CFTR: variants seen among roughly 807,000 people sequenced by gnomAD.
CFTR encodes the protein cystic fibrosis transmembrane conductance regulator.
Under a neutral mutation model 171.6 loss-of-function variants are expected in CFTR, and 181 were observed. The ratio of observed to expected loss-of-function variants is 1.05; its 90% CI spans 0.93 to 1.19. The LOEUF (loss-of-function observed/expected upper bound fraction) is 1.19. CFTR is among the 50% of genes most tolerant of loss of function. The probability of loss-of-function intolerance (pLI) is 0.00; values close to 1 mark genes in which losing one functional copy is unlikely to be tolerated. For synonymous variants in CFTR, 583 were observed against 608.0 expected, an observed-to-expected ratio of 0.96 and a Z score of 0.60; for missense variants, 1,968 against 1,734.7, an observed-to-expected ratio of 1.13 and a Z score of -2.39.
At chr7:117,512,621 G>A (rs2188158) in intron 3 of CFTR, among the ~76,000 whole-genome samples, 14,879 of 127,854 alleles carry the variant, frequency 0.12, 1,249 homozygotes, top group East Asian at 0.42. Flanking sequence ...GTGACAGAGC[G>A]AGACTCCATC....
chr7:117,487,542 A>C (rs1483994450), intron 1 of CFTR, among the ~76,000 whole-genome samples: 1 of 152,178 alleles, frequency 6.6e-6, no homozygotes, highest in Non-Finnish European at 1.5e-5. Flanking sequence ...TGATTGAATA[A>C]AAATAGGAGC....
intron 11 of CFTR, among the ~76,000 whole-genome samples, chr7:117,574,022 A>G (rs1320835728): frequency 6.6e-6 from 1 of 152,086 alleles, no homozygotes; most frequent in African/African-American, 2.4e-5. Flanking sequence ...TTTTTAAAAA[A>G]ATTATGATAG....
intron 24 of CFTR, among the ~76,000 whole-genome samples, chr7:117,662,609 C>T (rs1470597650): frequency 6.6e-6 from 1 of 151,784 alleles, no homozygotes; most frequent in Non-Finnish European, 1.5e-5. Context: ...AGGAGGAGAA[C>T]TACCATAGGA....
rs531126327 is a variant in CFTR at position 117,482,919 on chromosome 7, C to G, written c.53+2772C>G. Among the ~76,000 whole-genome samples the G allele has an allele frequency of 3.9e-5, 6 of 152,236 alleles. No individual in the cohort carries two copies. In the South Asian group the frequency reaches 1.2e-3, roughly 32 times the overall value. ...TCTATACTGAGGAACTGTGGGAACC[C>G]CACAGAATCCAAGTATACAGTGCCA... is the stretch of plus-strand genomic sequence containing the variant. On this transcript the variant is annotated intron_variant, in intron 1 of 26. Transcript: ENST00000003084.
At chr7:117,486,641 T>C (rs2116612625) in intron 1 of CFTR, among the ~76,000 whole-genome samples, 1 of 152,040 alleles carries the variant, frequency 6.6e-6, no homozygotes, top group South Asian at 2.1e-4. Context: ...AAGTTCCCTA[T>C]GACGGGAACA....
chr7:117,544,861 C>T (rs540546679), intron 9 of CFTR, among the ~76,000 whole-genome samples: 2 of 152,318 alleles, frequency 1.3e-5, no homozygotes, highest in African/African-American at 4.8e-5. Context: ...AACTGTTATA[C>T]TCTTGTGGAA....
chr7:117,517,160 A>G (rs1451754141), intron 3 of CFTR, among the ~76,000 whole-genome samples: 1 of 152,138 alleles, frequency 6.6e-6, no homozygotes, highest in African/African-American at 2.4e-5. Context: ...TGCATCCATC[A>G]GCCCATCATC....
At position 117,507,965 on chromosome 7, in the gene CFTR, G is replaced by T. The variant is rs552301272; in HGVS notation, c.165-1069G>T. Among the ~76,000 whole-genome samples the T allele has an allele frequency of 2.0e-5, 3 of 152,132 alleles. No individual in the cohort carries two copies. The South Asian group carries it at 6.2e-4, about 32-fold the overall frequency. On this transcript the variant is annotated intron_variant, in intron 2 of 26. Transcript: ENST00000003084. ...AGGCCTGGCTAATTTTTGTAGAGAC[G>T]GGGTTTTGCTATGCTGGCCAGGCTG...
At chr7:117,482,635 C>T (rs1351384803) in intron 1 of CFTR, among the ~76,000 whole-genome samples, 1 of 152,050 alleles carries the variant, frequency 6.6e-6, no homozygotes, top group Non-Finnish European at 1.5e-5. Flanking sequence ...GATATATTAG[C>T]ATATAATTTA....
chr7:117,510,189 G>A (rs931848221), intron 3 of CFTR, among the ~76,000 whole-genome samples: 1 of 151,958 alleles, frequency 6.6e-6, no homozygotes, highest in African/African-American at 2.4e-5. Context: ...TTGGGCATTT[G>A]GGGGTAAAAA....
intron 22 of CFTR, among the ~76,000 whole-genome samples, chr7:117,639,334 TAA>T (rs1199079770): frequency 2.0e-5 from 3 of 152,202 alleles, no homozygotes; most frequent in Admixed American, 6.5e-5. Flanking sequence ...AGTTTTTTCT[TAA>T]AACCTTTTGA....
At chr7:117,507,570 C>T (rs949135027) in intron 2 of CFTR, among the ~76,000 whole-genome samples, 4 of 152,188 alleles carry the variant, frequency 2.6e-5, no homozygotes, top group African/African-American at 7.2e-5. Flanking sequence ...TATTTAGCTT[C>T]TTACTCTGAG....
chr7:117,667,245 A>G lies in CFTR; in HGVS notation c.*137A>G. On this transcript the variant is annotated 3_prime_UTR_variant, in exon 27 of 27. Transcript: ENST00000003084. ...AGGATGAATTAAGTTTTTTTTTAAAAAAGAAACATTTGGTAAGGGGAATTG... is the reference window on the plus strand; with the variant it reads ...AGGATGAATTAAGTTTTTTTTTAAAGAAGAAACATTTGGTAAGGGGAATTG... The G allele has an allele frequency of 1.2e-6, 1 of 819,140 alleles. No homozygotes were observed. Among genetic ancestry groups the G allele is most frequent in the Admixed American group, 2.0e-5 (1 of 49,244 alleles). The allele number at this position is 819,140 out of a possible 1,614,324, so 50.7% of individuals were successfully genotyped here.
rs56985019 is a variant in CFTR at position 117,499,429 on chromosome 7, CTG to C, written c.54-4792_54-4791del. Among the ~76,000 whole-genome samples the C allele has an allele frequency of 6.1e-3, 831 of 135,726 alleles. 8 individuals carry two copies. The highest frequency in any genetic ancestry group is 0.014 in the African/African-American group (499 of 35,086). 89.0% of individuals were successfully genotyped at this position (135,726 alleles called of 152,430 possible). ...GAAATGAAATTTACTATAGTTTCAT[CTG>C]TGTGTGTGTGTGTGTGTGTGTGTGT... On this transcript the variant is annotated intron_variant, in intron 1 of 26. Coordinates refer to ENST00000003084, the MANE Select transcript of CFTR (RefSeq NM_000492.4).
chr7:117,651,061 A>G (rs1167306913), intron 23 of CFTR, among the ~76,000 whole-genome samples: 1 of 152,154 alleles, frequency 6.6e-6, no homozygotes, highest in African/African-American at 2.4e-5. Flanking sequence ...GATTTACCTC[A>G]TGAGGTTGAC....
At chr7:117,611,515 A>G (rs1365570586) in intron 19 of CFTR, 66 bp from the exon 20 acceptor site, 2 of 971,192 alleles carry the variant, frequency 2.1e-6, no homozygotes. Context: ...TTCAGGTACA[A>G]GATATTATGA....
At chr7:117,484,920 A>C (rs1354814311) in intron 1 of CFTR, among the ~76,000 whole-genome samples, 1 of 152,056 alleles carries the variant, frequency 6.6e-6, no homozygotes, top group Non-Finnish European at 1.5e-5. Flanking sequence ...CTAAAGAGAG[A>C]AGTGGAATCT....
intron 11 of CFTR, among the ~76,000 whole-genome samples, chr7:117,582,446 G>T (rs1031549024): frequency 6.6e-6 from 1 of 152,180 alleles, no homozygotes; most frequent in Non-Finnish European, 1.5e-5. Context: ...ACACTTGGAT[G>T]CATTTCTTTA....
At chr7:117,509,839 GAC>G (rs1228417698) in intron 3 of CFTR, among the ~76,000 whole-genome samples, 1 of 152,104 alleles carries the variant, frequency 6.6e-6, no homozygotes, top group Admixed American at 6.6e-5. Flanking sequence ...TATAAAAGGA[GAC>G]AGATTCAAGA....
Sources: gnomAD v4.1 joint callset for allele counts (sites outside exome capture counted in the v4.1 genomes callset) on GRCh38, gnomAD v4.1.1 for gene constraint, MANE v1.5 for transcripts, NCBI Gene and HGNC (gene_info 2026-07-23, HGNC 2026-07-21) for gene names.